Variants in KALRN observed in about 807,000 individuals in gnomAD.
KALRN encodes kalirin RhoGEF kinase.
In KALRN, 70 loss-of-function variants were observed where a neutral mutation model predicts 353.7. The ratio of observed to expected loss-of-function variants is 0.20; its 90% confidence interval spans 0.16 to 0.24. The LOEUF is 0.24. KALRN is among the 10% of genes least tolerant of loss of function. The probability of loss-of-function intolerance (pLI) is 1.00; values close to 1 mark genes in which losing one functional copy is unlikely to be tolerated. For missense variants in KALRN, 2,791 were observed against 3,756.7 expected, an observed-to-expected ratio of 0.74 and a Z score of 6.72; for synonymous variants, 1,391 against 1,434.8, an observed-to-expected ratio of 0.97 and a Z score of 0.69.
intron 6 of KALRN, among the ~76,000 whole-genome samples, chr3:124,316,044 G>A (rs925939777): frequency 3.9e-5 from 6 of 152,222 alleles, no homozygotes; most frequent in East Asian, 3.9e-4. Flanking sequence ...CGAGACGGGC[G>A]GATGAGAAGG....
chr3:124,235,400 G>A (rs1454294940), intron 3 of KALRN, among the ~76,000 whole-genome samples: 1 of 152,142 alleles, frequency 6.6e-6, no homozygotes, highest in Non-Finnish European at 1.5e-5. Context: ...ATCTAAAAAG[G>A]CTCCTTCGGG....
chr3:124,590,807 A>C (rs2075696264), intron 34 of KALRN, among the ~76,000 whole-genome samples: 1 of 152,122 alleles, frequency 6.6e-6, no homozygotes, highest in Non-Finnish European at 1.5e-5. Flanking sequence ...GAAGGGACTA[A>C]ATCATGGAAA....
chr3:124,605,096 AAAGTTG>A (rs1220653688), intron 34 of KALRN, among the ~76,000 whole-genome samples: 1 of 151,696 alleles, frequency 6.6e-6, no homozygotes, highest in Non-Finnish European at 1.5e-5. Context: ...CCAGGAGGCG[AAAGTTG>A]AAGTGAGCTG....
At chr3:124,660,107 T>C (rs1288332679) in intron 43 of KALRN, among the ~76,000 whole-genome samples, 2 of 151,600 alleles carry the variant, frequency 1.3e-5, no homozygotes, top group African/African-American at 4.8e-5. Flanking sequence ...AATTTTTTAT[T>C]TTTTTTGTAG....
intron 33 of KALRN, among the ~76,000 whole-genome samples, chr3:124,524,672 A>C (rs1336593978): frequency 6.6e-6 from 1 of 152,218 alleles, no homozygotes; most frequent in African/African-American, 2.4e-5. Flanking sequence ...TAGAGAACCC[A>C]TAAGAAAGAT....
chr3:124,333,017 G>T (rs2080758747), intron 8 of KALRN, among the ~76,000 whole-genome samples: 1 of 152,170 alleles, frequency 6.6e-6, no homozygotes, highest in Admixed American at 6.5e-5. Context: ...GGCCATGGAG[G>T]CCTCACAATC....
At position 124,666,541 on chromosome 3, in the gene KALRN, GCGC is replaced by G; in HGVS notation, c.6439_6441del (p.Arg2147del). 1 of 1,614,050 alleles carries G rather than the reference GCGC, an allele frequency of 6.2e-7. No individual in the cohort carries two copies. Among genetic ancestry groups the G allele is most frequent in the Non-Finnish European group, 8.5e-7 (1 of 1,179,924 alleles). On this transcript the variant is annotated inframe_deletion, in exon 46 of 60. Transcript: ENST00000682506. ...GCATGCAGTCCCGGACCAAAGAGAG[GCGC>G]GTGTTCCTCTTCGAGCAGATTGTCA... is the stretch of plus-strand genomic sequence containing the variant.
intron 23 of KALRN, among the ~76,000 whole-genome samples, chr3:124,458,533 T>C (rs1561007662): frequency 6.6e-6 from 1 of 152,192 alleles, no homozygotes; most frequent in African/African-American, 2.4e-5. Flanking sequence ...TAAGCATATG[T>C]CCCTAGCTAG....
chr3:124,357,917 G>A (rs924766322), intron 10 of KALRN, among the ~76,000 whole-genome samples: 1 of 152,096 alleles, frequency 6.6e-6, no homozygotes, highest in South Asian at 2.1e-4. Flanking sequence ...TTTGTTGGGC[G>A]GATATCAGGC....
chr3:124,243,036 A>AG (rs757830600), intron 3 of KALRN, among the ~76,000 whole-genome samples: 1 of 152,216 alleles, frequency 6.6e-6, no homozygotes, highest in Non-Finnish European at 1.5e-5. Context: ...TTGGTGGGGT[A>AG]GTCTCTATCG....
chr3:124,647,337 AC>A (rs146462485), intron 37 of KALRN, among the ~76,000 whole-genome samples: 1 of 152,046 alleles, frequency 6.6e-6, no homozygotes, highest in Non-Finnish European at 1.5e-5. Flanking sequence ...CACAAAACAC[AC>A]AGTTACTTGC....
chr3:124,472,606 T>TGTGC (rs71270415), intron 25 of KALRN, among the ~76,000 whole-genome samples: 1 of 150,640 alleles, frequency 6.6e-6, no homozygotes, highest in Non-Finnish European at 1.5e-5. Context: ...TGTGTGTGTG[T>TGTGC]ACCTGTGTGT....
At chr3:124,091,606 A>G (rs1404259166) in intron 1 of KALRN, among the ~76,000 whole-genome samples, 3 of 152,158 alleles carry the variant, frequency 2.0e-5, no homozygotes, top group Admixed American at 2.0e-4. Context: ...CCATGTTGTG[A>G]TATCAAATAA....
intron 6 of KALRN, among the ~76,000 whole-genome samples, chr3:124,324,629 G>A (rs947340189): frequency 6.6e-6 from 1 of 152,164 alleles, no homozygotes; most frequent in Admixed American, 6.5e-5. Flanking sequence ...ATGGATTTGT[G>A]TGGAAGTTCT....
chr3:124,321,793 C>G (rs4678110), intron 6 of KALRN, among the ~76,000 whole-genome samples: 143,178 of 152,288 alleles, frequency 0.94, 67,939 homozygotes, highest in East Asian at 1. Context: ...AGGCTTTGGG[C>G]GTAGGTAAGA....
intron 6 of KALRN, among the ~76,000 whole-genome samples, chr3:124,304,118 T>G (rs16835267): frequency 8.6e-6 from 1 of 116,192 alleles, no homozygotes; most frequent in African/African-American, 3.1e-5. Flanking sequence ...ATTTCTAGAT[T>G]TTGTTGTAAA....
intron 34 of KALRN, among the ~76,000 whole-genome samples, chr3:124,569,015 CCCAGGCTCCAATAA>C (rs2073200576): frequency 6.6e-6 from 1 of 152,114 alleles, no homozygotes; most frequent in Non-Finnish European, 1.5e-5. Flanking sequence ...GTACTTCTGC[CCCAGGCTCCAATAA>C]CCAGTCTAGG....
intron 49 of KALRN, chr3:124,677,513 C>G: frequency 2.2e-6 from 1 of 450,752 alleles, no homozygotes; most frequent in South Asian, 1.6e-5. Context: ...TAGGGAAGCT[C>G]TAGGACCTCT....
intron 43 of KALRN, among the ~76,000 whole-genome samples, chr3:124,659,862 A>T (rs1029173105): frequency 6.7e-6 from 1 of 148,670 alleles, no homozygotes; most frequent in African/African-American, 2.4e-5. Flanking sequence ...GATTTTATAT[A>T]TATATAAAAT....
Sources: allele counts gnomAD v4.1 joint callset (sites outside exome capture counted in the v4.1 genomes callset), GRCh38; gene constraint gnomAD v4.1.1; transcripts MANE v1.5; gene names NCBI Gene and HGNC (gene_info 2026-07-23, HGNC 2026-07-21).